The following RGL1 variants were observed in gnomAD, a reference collection of about 807,000 sequenced individuals.
RGL1 encodes the protein ral guanine nucleotide dissociation stimulator like 1.
RGL1 carries 24 observed loss-of-function variants against 95.2 expected under a neutral mutation model. That is an observed-to-expected ratio of 0.25 (90% CI 0.18 to 0.35). The LOEUF is 0.35. Ranked by LOEUF, RGL1 falls within the 10% of genes least tolerant of loss-of-function variation. The probability of loss-of-function intolerance (pLI) is 1.00; values close to 1 mark genes in which losing one functional copy is unlikely to be tolerated. For synonymous variants in RGL1, 329 were observed against 344.9 expected, an observed-to-expected ratio of 0.95 and a Z score of 0.51; for missense variants, 715 against 936.3, an observed-to-expected ratio of 0.76 and a Z score of 3.08.
intron 9 of RGL1, 36 bp from the exon 10 acceptor site, chr1:183,897,772 G>A (rs758262424): frequency 1.3e-6 from 2 of 1,491,926 alleles, no homozygotes; most frequent in Non-Finnish European, 9.4e-7. Flanking sequence ...GTGGCATCCT[G>A]TATCAATTCC....
chr1:183,803,254 G>A (rs1314302142), upstream of RGL1, among the ~76,000 whole-genome samples: 1 of 152,194 alleles, frequency 6.6e-6, no homozygotes, highest in Non-Finnish European at 1.5e-5. Flanking sequence ...GATAAATATG[G>A]TTTGGGAGGA....
At chr1:183,820,176 T>A (rs1465325342) in intron 2 of RGL1, among the ~76,000 whole-genome samples, 1 of 152,212 alleles carries the variant, frequency 6.6e-6, no homozygotes, top group African/African-American at 2.4e-5. Flanking sequence ...TTTTACTTAT[T>A]ATCTTCCAAT....
In RGL1 at chr1:183,904,954, C is replaced by T. The variant is rs778143167; in HGVS notation, c.1455C>T (p.Leu485=). Residue 485 remains leucine, a synonymous_variant, in exon 13 of 18, where the codon CTC becomes CTT. Transcript: ENST00000360851. Reference sequence around the variant, plus strand: ...TCCAGTGGTTCCAGAGGCAGCAGCTCCTGACAGAGGAGGAGAGGTGGGATC... The same window carrying T: ...TCCAGTGGTTCCAGAGGCAGCAGCTTCTGACAGAGGAGGAGAGGTGGGATC... ...KFIQWFQRQQ[L]LTEEESYALS... The T allele has an allele frequency of 5.6e-6, 9 of 1,613,302 alleles. No homozygotes were observed. The highest frequency in any genetic ancestry group is 7.6e-6 in the Non-Finnish European group (9 of 1,179,744).
chr1:183,677,185 G>A (rs1434935896), intron 1 of RGL1, among the ~76,000 whole-genome samples: 3 of 150,774 alleles, frequency 2.0e-5, no homozygotes, highest in African/African-American at 4.9e-5. Context: ...ATTCCAAATC[G>A]TATTTTTGCA....
At chr1:183,753,791 C>T (rs1658170213) in intron 2 of RGL1, among the ~76,000 whole-genome samples, 1 of 152,132 alleles carries the variant, frequency 6.6e-6, no homozygotes, top group South Asian at 2.1e-4. Context: ...AAGAGAGATC[C>T]ATGAAGTAGT....
At chr1:183,786,264 C>T (rs1660174358) in intron 2 of RGL1, among the ~76,000 whole-genome samples, 1 of 152,104 alleles carries the variant, frequency 6.6e-6, no homozygotes, top group Non-Finnish European at 1.5e-5. Context: ...ATTAACTGAG[C>T]ATCGGGATGT....
intron 15 of RGL1, among the ~76,000 whole-genome samples, chr1:183,913,182 C>CTTTTTTTTTTTTTTTTTTTTTTTTTTTT (rs537751695): frequency 1.5e-5 from 1 of 68,246 alleles, no homozygotes; most frequent in Non-Finnish European, 2.6e-5. Flanking sequence ...GACCAGTCTT[C>CTTTTTTTTTTTTTTTTTTTTTTTTTTTT]TTTTTTTTTT....
At chr1:183,666,820 A>G (rs1558143302) in intron 1 of RGL1, among the ~76,000 whole-genome samples, 1 of 152,118 alleles carries the variant, frequency 6.6e-6, no homozygotes, top group Admixed American at 6.5e-5. Context: ...AGAAGAATGT[A>G]TGGTGTTGAA....
intron 11 of RGL1, among the ~76,000 whole-genome samples, 184 bp from the exon 12 acceptor site, chr1:183,902,384 T>C (rs1668078563): frequency 6.6e-6 from 1 of 152,206 alleles, no homozygotes; most frequent in Non-Finnish European, 1.5e-5. Context: ...TATCCTGCCT[T>C]ATAATAATAC....
chr1:183,638,948 C>A (rs1308399325), intron 1 of RGL1, among the ~76,000 whole-genome samples: 1 of 152,214 alleles, frequency 6.6e-6, no homozygotes, highest in African/African-American at 2.4e-5. Flanking sequence ...ATGTGCTTCT[C>A]TTCTCCAAAC....
chr1:183,762,663 A>G (rs1658753460), intron 2 of RGL1, among the ~76,000 whole-genome samples: 1 of 152,252 alleles, frequency 6.6e-6, no homozygotes, highest in Non-Finnish European at 1.5e-5. Context: ...TGGTCATTAG[A>G]GAAATACAAA....
chr1:183,780,556 A>G (rs1464630844), intron 2 of RGL1, among the ~76,000 whole-genome samples: 1 of 152,118 alleles, frequency 6.6e-6, no homozygotes, highest in Non-Finnish European at 1.5e-5. Flanking sequence ...GAAGAGGGGG[A>G]GATTCAGTGC....
intron 9 of RGL1, among the ~76,000 whole-genome samples, chr1:183,896,936 C>G (rs926907943): frequency 2.0e-5 from 3 of 152,178 alleles, no homozygotes; most frequent in Non-Finnish European, 2.9e-5. Context: ...GAAAGTTCGA[C>G]TTTTATGGAT....
chr1:183,794,109 A>G (rs1010069450), intron 2 of RGL1, among the ~76,000 whole-genome samples: 1 of 151,954 alleles, frequency 6.6e-6, no homozygotes, highest in Non-Finnish European at 1.5e-5. Context: ...CTATTCAGCC[A>G]TAAAAAAATG....
intron 2 of RGL1, among the ~76,000 whole-genome samples, chr1:183,782,642 G>T (rs1659963557): frequency 6.6e-6 from 1 of 152,222 alleles, no homozygotes; most frequent in Non-Finnish European, 1.5e-5. Flanking sequence ...GCAGAAGACA[G>T]AATAGATATT....
intron 2 of RGL1, among the ~76,000 whole-genome samples, chr1:183,786,541 G>A (rs1423470698): frequency 6.6e-6 from 1 of 152,136 alleles, no homozygotes; most frequent in Non-Finnish European, 1.5e-5. Flanking sequence ...GTTCCAATGA[G>A]CATTCCCTTT....
intron 7 of RGL1, among the ~76,000 whole-genome samples, chr1:183,887,851 G>A (rs1667207417): frequency 6.6e-6 from 1 of 152,158 alleles, no homozygotes; most frequent in Admixed American, 6.5e-5. Context: ...AAAAGGCCGA[G>A]TTATTTTGGA....
At chr1:183,881,406 C>A (rs1331115557) in intron 5 of RGL1, among the ~76,000 whole-genome samples, 1 of 152,202 alleles carries the variant, frequency 6.6e-6, no homozygotes, top group Non-Finnish European at 1.5e-5. Context: ...AGCTGTTTTT[C>A]CCTATTTGAA....
chr1:183,716,836 G>T (rs931050410), intron 1 of RGL1, among the ~76,000 whole-genome samples: 15 of 152,212 alleles, frequency 9.9e-5, no homozygotes, highest in African/African-American at 3.6e-4. Context: ...CTCTTTAAAA[G>T]AAAATGTTCT....
Sources: gnomAD v4.1 joint callset for allele counts (sites outside exome capture counted in the v4.1 genomes callset) on GRCh38, gnomAD v4.1.1 for gene constraint, MANE v1.5 for transcripts, NCBI Gene and HGNC (gene_info 2026-07-23, HGNC 2026-07-21) for gene names.